UBE2E2: variants seen among roughly 807,000 people sequenced by gnomAD.
The protein encoded by UBE2E2 is ubiquitin-conjugating enzyme E2 E2.
UBE2E2 carries 6 observed loss-of-function variants against 24.7 expected under a neutral mutation model. The observed-to-expected ratio is 0.24, with a 90% CI of 0.13 to 0.48. The LOEUF (loss-of-function observed/expected upper bound fraction) is 0.48, where lower values mean the gene tolerates loss of function less well. Ranked by LOEUF, UBE2E2 falls within the 20% of genes least tolerant of loss-of-function variation. The pLI is 0.99. For synonymous variants in UBE2E2, 104 were observed against 83.6 expected (o/e 1.24, Z -1.33); for missense variants, 169 against 245.0 (o/e 0.69, Z 2.07).
At chr3:23,271,692 C>A (rs1245482018) in intron 3 of UBE2E2, among the ~76,000 whole-genome samples, 1 of 152,064 alleles carries the variant, frequency 6.6e-6, no homozygotes, top group Non-Finnish European at 1.5e-5. Flanking sequence ...TAAAAGTTCT[C>A]CAAGTCCTCA....
At chr3:23,444,529 A>C (rs1698383176) in intron 3 of UBE2E2, among the ~76,000 whole-genome samples, 1 of 152,188 alleles carries the variant, frequency 6.6e-6, no homozygotes, top group Non-Finnish European at 1.5e-5. Flanking sequence ...CAAGTTTCAC[A>C]AAGTCAACCC....
intron 5 of UBE2E2, among the ~76,000 whole-genome samples, chr3:23,537,075 T>G (rs1224843611): frequency 1.3e-5 from 2 of 152,210 alleles, no homozygotes; most frequent in Non-Finnish European, 2.9e-5. Context: ...ATCAGCCACA[T>G]TAAGTGAGGA....
At chr3:23,304,847 C>A (rs948670336) in intron 3 of UBE2E2, among the ~76,000 whole-genome samples, 2 of 151,038 alleles carry the variant, frequency 1.3e-5, no homozygotes, top group Non-Finnish European at 3.0e-5. Context: ...TTCACTTATT[C>A]ATTGGAGTGT....
intron 3 of UBE2E2, among the ~76,000 whole-genome samples, chr3:23,441,758 A>G (rs1698310902): frequency 6.6e-6 from 1 of 152,158 alleles, no homozygotes; most frequent in Non-Finnish European, 1.5e-5. Context: ...TTTGAAAGGA[A>G]GTTGTTAACT....
intron 5 of UBE2E2, among the ~76,000 whole-genome samples, chr3:23,579,627 G>A (rs1479613360): frequency 1.3e-5 from 2 of 151,508 alleles, no homozygotes; most frequent in African/African-American, 4.9e-5. Context: ...TTGAGCCCAG[G>A]ATCGCGAAGT....
chr3:23,306,233 AT>A, intron 3 of UBE2E2, among the ~76,000 whole-genome samples: 1 of 152,320 alleles, frequency 6.6e-6, no homozygotes, highest in Non-Finnish European at 1.5e-5. Flanking sequence ...CTATTCTGTT[AT>A]TTGAGGAAGT....
chr3:23,359,966 C>CT (rs1429704198), intron 3 of UBE2E2, among the ~76,000 whole-genome samples: 2 of 139,700 alleles, frequency 1.4e-5, no homozygotes, highest in African/African-American at 5.5e-5. Flanking sequence ...AAAGCCAGTC[C>CT]TCTCTCTTGA....
At chr3:23,559,699 G>A (rs2125503713) in intron 5 of UBE2E2, among the ~76,000 whole-genome samples, 1 of 152,178 alleles carries the variant, frequency 6.6e-6, no homozygotes, top group African/African-American at 2.4e-5. Context: ...AGAATTTTAA[G>A]TCTGGTTAAA....
intron 3 of UBE2E2, among the ~76,000 whole-genome samples, chr3:23,273,193 A>G (rs960284633): frequency 6.6e-6 from 1 of 152,222 alleles, no homozygotes; most frequent in African/African-American, 2.4e-5. Flanking sequence ...AAGAAGCAAT[A>G]TAGTAAATTC....
At chr3:23,398,265 A>C (rs959511518) in intron 3 of UBE2E2, among the ~76,000 whole-genome samples, 2 of 141,542 alleles carry the variant, frequency 1.4e-5, no homozygotes, top group South Asian at 4.7e-4. Context: ...GTGAGCTGAG[A>C]TGGCACCACT....
chr3:23,316,830 C>T (rs938856712), intron 3 of UBE2E2, among the ~76,000 whole-genome samples: 1 of 152,004 alleles, frequency 6.6e-6, no homozygotes, highest in African/African-American at 2.4e-5. Flanking sequence ...TGAATCCTGA[C>T]AGGACTGGGT....
chr3:23,246,981 C>G (rs1281709653), intron 3 of UBE2E2, among the ~76,000 whole-genome samples: 1 of 152,176 alleles, frequency 6.6e-6, no homozygotes, highest in Admixed American at 6.5e-5. Context: ...TCCCTAGTAG[C>G]TTGGGCTACA....
intron 3 of UBE2E2, among the ~76,000 whole-genome samples, chr3:23,275,973 T>C (rs1031450498): frequency 2.0e-5 from 3 of 152,184 alleles, no homozygotes; most frequent in Non-Finnish European, 2.9e-5. Flanking sequence ...TGAGAGGATG[T>C]CACTTAAGGG....
intron 3 of UBE2E2, among the ~76,000 whole-genome samples, chr3:23,220,652 T>C (rs1278444847): frequency 6.6e-6 from 1 of 152,208 alleles, no homozygotes; most frequent in African/African-American, 2.4e-5. Context: ...GATCAATAAA[T>C]GTTTTCATAC....
intron 3 of UBE2E2, among the ~76,000 whole-genome samples, chr3:23,235,832 C>T (rs73149661): frequency 0.26 from 40,237 of 151,840 alleles, 5,698 homozygotes; most frequent in Non-Finnish European, 0.32. Flanking sequence ...GTTTGATGGA[C>T]AGGATCAAGA....
chr3:23,515,307 T>G (rs1338818525), intron 4 of UBE2E2, among the ~76,000 whole-genome samples: 1 of 152,110 alleles, frequency 6.6e-6, no homozygotes, highest in African/African-American at 2.4e-5. Flanking sequence ...AAATAGGAGA[T>G]ATTTCCTCCT....
intron 3 of UBE2E2, among the ~76,000 whole-genome samples, chr3:23,327,934 C>T (rs923563969): frequency 4.6e-5 from 7 of 152,114 alleles, no homozygotes; most frequent in Admixed American, 1.3e-4. Flanking sequence ...GCTGATTTCT[C>T]GCTTAATAAT....
chr3:23,233,545 C>T (rs1697024902), intron 3 of UBE2E2, among the ~76,000 whole-genome samples: 2 of 152,260 alleles, frequency 1.3e-5, no homozygotes, highest in African/African-American at 4.8e-5. Context: ...ATATCCTAAA[C>T]ATTGGAACAA....
intron 2 of UBE2E2, among the ~76,000 whole-genome samples, chr3:23,214,785 A>AT (rs900898456): frequency 1.2e-4 from 18 of 151,000 alleles, no homozygotes; most frequent in East Asian, 7.8e-4. Flanking sequence ...CAGTACATAG[A>AT]TTTTTTTTTA....
Sources: allele counts gnomAD v4.1 joint callset (sites outside exome capture counted in the v4.1 genomes callset), GRCh38; gene constraint gnomAD v4.1.1; transcripts MANE v1.5; gene names NCBI Gene and HGNC (gene_info 2026-07-23, HGNC 2026-07-21).